Variants in RAB18 observed in about 807,000 individuals in gnomAD.
RAB18 encodes the protein RAB18, member RAS oncogene family.
In RAB18, 10 loss-of-function variants were observed where a neutral mutation model predicts 28.5. The ratio of observed to expected loss-of-function variants is 0.35; its 90% CI spans 0.22 to 0.60. RAB18 has a LOEUF of 0.60. RAB18 is among the 20% of genes least tolerant of loss of function. The pLI, the probability that RAB18 is intolerant of heterozygous loss-of-function variation, is 0.78. For missense variants in RAB18, 188 were observed against 244.2 expected, an observed-to-expected ratio of 0.77 and a Z score of 1.53; for synonymous variants, 93 against 86.9, an observed-to-expected ratio of 1.07 and a Z score of -0.39.
chr10:27,522,291 CTTT>C (rs1407591185), intron 2 of RAB18, among the ~76,000 whole-genome samples: 1 of 151,976 alleles, frequency 6.6e-6, no homozygotes, highest in Non-Finnish European at 1.5e-5. Flanking sequence ...GAGAATTGGC[CTTT>C]TTATCAAAAT....
rs1300916985 is a variant in RAB18, at chr10:27,539,210, C to T, written c.*1159C>T. 3.0e-6 allele frequency: 1 copy of T among 332,414 alleles called. No individual in the cohort carries two copies. Among genetic ancestry groups the T allele is most frequent in the Non-Finnish European group, 5.8e-6 (1 of 171,732 alleles). The allele number at this position is 332,414 out of a possible 1,614,324, so 20.6% of individuals were successfully genotyped here. ...TTGTATATTGTAGATTTTTTTCATT[C>T]ATGTGTTATTTAATTTACACTGATC... is the stretch of plus-strand genomic sequence containing the variant. On this transcript the variant is annotated 3_prime_UTR_variant, in exon 7 of 7. Transcript: ENST00000356940.
At chr10:27,536,232 A>C (rs1313220453) in intron 6 of RAB18, among the ~76,000 whole-genome samples, 1 of 152,204 alleles carries the variant, frequency 6.6e-6, no homozygotes, top group South Asian at 2.1e-4. Context: ...TCACTTTGAC[A>C]TAAGAATGAG....
chr10:27,527,143 A>G (rs900220587), intron 3 of RAB18: 1 of 569,912 alleles, frequency 1.8e-6, no homozygotes, highest in Non-Finnish European at 3.3e-6. Flanking sequence ...TTAAAAAATC[A>G]TCTCATCTGC....
At chr10:27,517,191 T>G (rs2505308) in intron 2 of RAB18, among the ~76,000 whole-genome samples, 9 of 151,736 alleles carry the variant, frequency 5.9e-5, no homozygotes, top group African/African-American at 1.9e-4. Flanking sequence ...GGTGAAACCC[T>G]GTCTCTACTA....
chr10:27,509,964 C>T (rs1589560936), intron 2 of RAB18, 34 bp downstream of exon 2: 1 of 1,545,410 alleles, frequency 6.5e-7, no homozygotes, highest in East Asian at 2.2e-5. Context: ...ATAGAAATGG[C>T]CAGTATTTTC....
In RAB18 at chr10:27,534,013, AT is replaced by A; in HGVS notation, c.445+20del. The stretch of plus-strand genomic sequence containing the variant: ...TTTATAGGTAGGTGTGTGAATGAAT[AT>A]CTGTCCTTTCATTATTAATGAGGAA... On this transcript the variant is annotated intron_variant, in intron 6 of 6. Transcript: ENST00000356940. The A allele has an allele frequency of 6.4e-7, 1 of 1,567,554 alleles. No individual in the cohort carries two copies. Among genetic ancestry groups the A allele is most frequent in the Non-Finnish European group, 8.8e-7 (1 of 1,137,894 alleles).
Position 27,532,498 on chromosome 10 carries a change from C to A in RAB18, c.187-9C>A. On this transcript the variant is annotated splice_polypyrimidine_tract_variant and intron_variant, in intron 3 of 6. Coordinates refer to ENST00000356940, the MANE Select transcript of RAB18 (RefSeq NM_021252.5). Reference sequence around the variant, plus strand: ...CTTTGTTTAATTTAATAATAATGATCATTTTTAGGATACTGCTGGTCAAGA... The same window carrying A: ...CTTTGTTTAATTTAATAATAATGATAATTTTTAGGATACTGCTGGTCAAGA... 1 of 1,583,826 alleles carries A rather than the reference C, an allele frequency of 6.3e-7. No individual in the cohort carries two copies. Among genetic ancestry groups the A allele is most frequent in the Non-Finnish European group, 8.7e-7 (1 of 1,154,320 alleles).
chr10:27,510,891 A>G (rs1398313138), intron 2 of RAB18, among the ~76,000 whole-genome samples: 2 of 152,206 alleles, frequency 1.3e-5, no homozygotes, highest in African/African-American at 4.8e-5. Flanking sequence ...AAATAGCACA[A>G]ATAATTCTTA....
At chr10:27,506,180 A>G (rs1178068700) in intron 1 of RAB18, among the ~76,000 whole-genome samples, 11 of 152,144 alleles carry the variant, frequency 7.2e-5, no homozygotes, top group Admixed American at 6.5e-4. Context: ...GAAGTCAAGA[A>G]TGGTTGGTTG....
At chr10:27,534,678 C>T (rs1174796319) in intron 6 of RAB18, among the ~76,000 whole-genome samples, 2 of 152,208 alleles carry the variant, frequency 1.3e-5, no homozygotes, top group Admixed American at 6.5e-5. Context: ...CACCTGGGCC[C>T]TGTGCCTTAT....
intron 2 of RAB18, among the ~76,000 whole-genome samples, chr10:27,512,941 C>T (rs922844776): frequency 3.3e-5 from 5 of 150,932 alleles, no homozygotes; most frequent in Non-Finnish European, 7.4e-5. Flanking sequence ...CCAAATAGGC[C>T]CTAGATCTTG....
Position 27,538,844 on chromosome 10 carries a change from C to G in RAB18, c.*793C>G, listed in dbSNP as rs1187459592. ...TGTGTTTATTGTAACTCCTCATACA[C>G]TTTTAAAACCAACATCTTTTTTCAT... On this transcript the variant is annotated 3_prime_UTR_variant, in exon 7 of 7. Coordinates refer to ENST00000356940, the MANE Select transcript of RAB18 (RefSeq NM_021252.5). 3 of 454,002 alleles carry G rather than the reference C, an allele frequency of 6.6e-6. No homozygotes were observed. The Admixed American group carries it at 7.0e-5, about 11-fold the overall frequency. 28.1% of individuals were successfully genotyped at this position (454,002 alleles called of 1,614,324 possible).
At chr10:27,530,579 C>T (rs1834767988) in intron 3 of RAB18, among the ~76,000 whole-genome samples, 6 of 151,728 alleles carry the variant, frequency 4.0e-5, no homozygotes, top group African/African-American at 9.7e-5. Flanking sequence ...AGCTAGGATA[C>T]GTTCTCATAA....
At chr10:27,535,856 G>C (rs532295617) in intron 6 of RAB18, among the ~76,000 whole-genome samples, 1 of 152,284 alleles carries the variant, frequency 6.6e-6, no homozygotes, top group East Asian at 1.9e-4. Flanking sequence ...GGAGGCCGAG[G>C]CAGGCGGATT....
intron 6 of RAB18, among the ~76,000 whole-genome samples, chr10:27,536,098 A>G (rs1834895166): frequency 6.7e-6 from 1 of 150,286 alleles, no homozygotes; most frequent in African/African-American, 2.4e-5. Flanking sequence ...AAAAAAAGAG[A>G]GCAATCAGAG....
chr10:27,520,708 G>C (rs1834530608), intron 2 of RAB18, among the ~76,000 whole-genome samples: 1 of 151,854 alleles, frequency 6.6e-6, no homozygotes, highest in Non-Finnish European at 1.5e-5. Flanking sequence ...CCTGAGGTCA[G>C]GAGGTCGAGA....
Position 27,541,066 on chromosome 10 carries a change from A to G in RAB18, c.*3015A>G, listed in dbSNP as rs1316562961. ...GTATTATAGATCAGAGATCCTCTCC[A>G]TATTCAAGCATTATGCTTCTCTTTC... On this transcript the variant is annotated 3_prime_UTR_variant, in exon 7 of 7. Coordinates refer to ENST00000356940, the MANE Select transcript of RAB18 (RefSeq NM_021252.5). 8.8e-6 allele frequency: 4 copies of G among 453,512 alleles called. No homozygotes were observed. Among genetic ancestry groups the G allele is most frequent in the African/African-American group, 6.0e-5 (3 of 49,936 alleles). The allele number at this position is 453,512 out of a possible 1,614,324, so 28.1% of individuals were successfully genotyped here. A position where few individuals can be genotyped will look rare whatever the true frequency, so the allele number is the denominator to read the frequency against.
chr10:27,524,866 A>G (rs1175528605), intron 2 of RAB18, among the ~76,000 whole-genome samples: 1 of 152,204 alleles, frequency 6.6e-6, no homozygotes, highest in South Asian at 2.1e-4. Context: ...CACCAGAGGA[A>G]CCTAGGGAAG....
chr10:27,529,818 C>A (rs1253985428), intron 3 of RAB18, among the ~76,000 whole-genome samples: 1 of 151,952 alleles, frequency 6.6e-6, no homozygotes, highest in Non-Finnish European at 1.5e-5. Flanking sequence ...TGATGCGATG[C>A]TATTGCACAT....
Sources: gnomAD v4.1 joint callset for allele counts (sites outside exome capture counted in the v4.1 genomes callset) on GRCh38, gnomAD v4.1.1 for gene constraint, MANE v1.5 for transcripts, NCBI Gene and HGNC (gene_info 2026-07-23, HGNC 2026-07-21) for gene names.